The following WWOX variants were observed in gnomAD, a reference collection of about 807,000 sequenced individuals.
The protein encoded by WWOX is WW domain containing oxidoreductase.
A neutral mutation model predicts 46.2 loss-of-function variants in WWOX; 69 were observed. The observed-to-expected ratio is 1.49, with a 90% CI of 1.23 to 1.82. The LOEUF is 1.82. Ranked by LOEUF, WWOX falls within the 40% of genes most tolerant of loss-of-function variation. WWOX has a pLI of 0.00. For synonymous variants in WWOX, 359 were observed against 202.6 expected (o/e 1.77, Z -6.56); for missense variants, 919 against 542.6 (o/e 1.69, Z -6.89).
At chr16:79,019,778 G>C (rs2047494480) in intron 8 of WWOX, among the ~76,000 whole-genome samples, 1 of 152,128 alleles carries the variant, frequency 6.6e-6, no homozygotes, top group South Asian at 2.1e-4. Context: ...TAGAAGGCTT[G>C]AGTTTAATTT....
chr16:78,385,713 C>T (rs546652176), intron 5 of WWOX, among the ~76,000 whole-genome samples: 47 of 152,280 alleles, frequency 3.1e-4, no homozygotes, highest in South Asian at 1.0e-3. Context: ...CCTTCATAGC[C>T]TTACAGGTAT....
intron 6 of WWOX, among the ~76,000 whole-genome samples, chr16:78,413,529 T>G (rs1264794015): frequency 6.6e-6 from 1 of 152,086 alleles, no homozygotes; most frequent in East Asian, 1.9e-4. Context: ...TGGTGGAGAT[T>G]ACAAAGTACG....
intron 8 of WWOX, among the ~76,000 whole-genome samples, chr16:78,465,041 C>T (rs576884679): frequency 3.9e-5 from 6 of 152,218 alleles, no homozygotes; most frequent in Non-Finnish European, 8.8e-5. Flanking sequence ...GGGAACTGCC[C>T]TTTATAAAAT....
intron 4 of WWOX, among the ~76,000 whole-genome samples, chr16:78,142,591 A>T (rs554449811): frequency 1.6e-4 from 24 of 152,216 alleles, no homozygotes; most frequent in Non-Finnish European, 3.4e-4. Context: ...TGTATTTAGG[A>T]AGAACTTTGT....
intron 5 of WWOX, among the ~76,000 whole-genome samples, chr16:78,361,854 C>G (rs759481265): frequency 7.9e-5 from 12 of 152,164 alleles, no homozygotes; most frequent in Non-Finnish European, 1.5e-4. Context: ...TCTGGTGATC[C>G]TCCCACCTCG....
At chr16:78,375,946 T>G (rs2081813257) in intron 5 of WWOX, among the ~76,000 whole-genome samples, 1 of 151,276 alleles carries the variant, frequency 6.6e-6, no homozygotes, top group Non-Finnish European at 1.5e-5. Flanking sequence ...CGCATCCTGG[T>G]TTCAAGTGGT....
rs531203105 is a variant in WWOX at position 78,873,130 on chromosome 16, C to T, written c.1057-338478C>T. ...TTCTTTAAATGCTAGTCCTTTTTCTCTTCCTCCATCTGGGTCTTGGTTCCA... is the reference window on the plus strand; with the variant it reads ...TTCTTTAAATGCTAGTCCTTTTTCTTTTCCTCCATCTGGGTCTTGGTTCCA... On this transcript the variant is annotated intron_variant, in intron 8 of 8. Coordinates refer to ENST00000566780, the MANE Select transcript of WWOX (RefSeq NM_016373.4). 4.7e-4 allele frequency: 71 copies of T among 152,284 alleles called. 1 individual carries two copies. The highest frequency in any genetic ancestry group is 1.6e-3 in the African/African-American group (65 of 41,562). 9.4% of individuals were successfully genotyped at this position (152,284 alleles called of 1,614,324 possible). A position where few individuals can be genotyped will look rare whatever the true frequency, so the allele number is the denominator to read the frequency against.
At chr16:78,172,708 A>G (rs2035203557) in intron 5 of WWOX, among the ~76,000 whole-genome samples, 1 of 152,132 alleles carries the variant, frequency 6.6e-6, no homozygotes, top group African/African-American at 2.4e-5. Flanking sequence ...TTAAAGAGTG[A>G]AAGTCAAGCA....
At chr16:78,110,333 CCTT>C (rs2151668515) in intron 3 of WWOX, among the ~76,000 whole-genome samples, 1 of 122,796 alleles carries the variant, frequency 8.1e-6, no homozygotes, top group South Asian at 2.6e-4. Flanking sequence ...GAATGAGACT[CCTT>C]CTCAAAAAAA....
chr16:78,849,462 T>C (rs1053510619), intron 8 of WWOX, among the ~76,000 whole-genome samples: 2 of 150,072 alleles, frequency 1.3e-5, no homozygotes, highest in African/African-American at 4.9e-5. Flanking sequence ...TAGTCCCAGC[T>C]ACTGGGGAGG....
At chr16:78,379,032 T>G (rs2081894361) in intron 5 of WWOX, among the ~76,000 whole-genome samples, 1 of 152,212 alleles carries the variant, frequency 6.6e-6, no homozygotes, top group East Asian at 1.9e-4. Context: ...CGTATCTGTG[T>G]CTTACTAGCT....
At chr16:78,644,361 A>C (rs567242266) in intron 8 of WWOX, among the ~76,000 whole-genome samples, 1 of 152,306 alleles carries the variant, frequency 6.6e-6, no homozygotes, top group East Asian at 1.9e-4. Context: ...TCCTCTATGC[A>C]AACAAAAATT....
intron 5 of WWOX, among the ~76,000 whole-genome samples, chr16:78,252,709 G>C: frequency 6.6e-6 from 1 of 152,082 alleles, no homozygotes; most frequent in East Asian, 1.9e-4. Flanking sequence ...TTTAGCCACT[G>C]AATATACCTC....
chr16:78,370,400 C>A (rs1385045141), intron 5 of WWOX, among the ~76,000 whole-genome samples: 1 of 151,912 alleles, frequency 6.6e-6, no homozygotes, highest in Non-Finnish European at 1.5e-5. Context: ...TAATATTATT[C>A]ATTGGATAAA....
intron 8 of WWOX, among the ~76,000 whole-genome samples, chr16:78,508,387 G>A (rs547128068): frequency 2.8e-5 from 4 of 144,052 alleles, no homozygotes; most frequent in African/African-American, 5.3e-5. Context: ...ATGCGTGGCC[G>A]AAGACAATTC....
intron 5 of WWOX, among the ~76,000 whole-genome samples, chr16:78,287,261 C>T (rs546005359): frequency 1.3e-4 from 20 of 152,246 alleles, no homozygotes; most frequent in Middle Eastern, 3.4e-3. Flanking sequence ...TTCTTTGAAA[C>T]GGTTTTAAAT....
intron 8 of WWOX, among the ~76,000 whole-genome samples, chr16:78,832,421 T>G (rs760316847): frequency 8.5e-5 from 13 of 152,184 alleles, no homozygotes; most frequent in African/African-American, 3.1e-4. Context: ...TTCTATTGAT[T>G]AGAAGAATAC....
At chr16:78,555,168 TAAAAAA>T (rs10635594) in intron 8 of WWOX, among the ~76,000 whole-genome samples, 5 of 128,428 alleles carry the variant, frequency 3.9e-5, no homozygotes, top group Non-Finnish European at 6.4e-5. Context: ...TATGATTTTG[TAAAAAA>T]AAAAAAAAAA....
intron 8 of WWOX, among the ~76,000 whole-genome samples, chr16:78,950,872 C>T (rs2046046004): frequency 6.6e-6 from 1 of 152,136 alleles, no homozygotes. Flanking sequence ...TATTATAGTG[C>T]AAGGTGTTTG....
Sources: gnomAD v4.1 joint callset for allele counts (sites outside exome capture counted in the v4.1 genomes callset) on GRCh38, gnomAD v4.1.1 for gene constraint, MANE v1.5 for transcripts, NCBI Gene and HGNC (gene_info 2026-07-23, HGNC 2026-07-21) for gene names.